CACNG2: variants seen among roughly 807,000 people sequenced by gnomAD.
CACNG2 encodes voltage-dependent calcium channel gamma-2 subunit.
Under a neutral mutation model 25.9 loss-of-function variants are expected in CACNG2, and 3 were observed. That is an observed-to-expected ratio of 0.12 (90% confidence interval 0.05 to 0.30). The LOEUF is 0.30. Ranked by LOEUF, CACNG2 falls within the 10% of genes least tolerant of loss-of-function variation. CACNG2 has a pLI of 1.00. For missense variants in CACNG2, 341 were observed against 432.5 expected, an observed-to-expected ratio of 0.79 and a Z score of 1.88; for synonymous variants, 167 against 173.3, an observed-to-expected ratio of 0.96 and a Z score of 0.29.
At position 36,702,590 on chromosome 22, in the gene CACNG2, A is replaced by G; in HGVS notation, c.-14T>C. On this transcript the variant is annotated 5_prime_UTR_variant, in exon 1 of 4. Coordinates refer to ENST00000300105, the MANE Select transcript of CACNG2 (RefSeq NM_006078.5). ...AAACAGCCCCATAATTCTTCATTATATAAACACCCAACCGACTTCTGGTTC... is the reference window on the plus strand; with the variant it reads ...AAACAGCCCCATAATTCTTCATTATGTAAACACCCAACCGACTTCTGGTTC... 6.2e-7 allele frequency: 1 copy of G among 1,607,898 alleles called. No homozygotes were observed. Among genetic ancestry groups the G allele is most frequent in the Non-Finnish European group, 8.5e-7 (1 of 1,174,362 alleles).
chr22:36,590,967 C>A (rs1935582110), intron 1 of CACNG2, among the ~76,000 whole-genome samples: 1 of 152,132 alleles, frequency 6.6e-6, no homozygotes, highest in African/African-American at 2.4e-5. Context: ...CCTCCTTCTG[C>A]CTCCCTGCAC....
Position 36,684,844 on chromosome 22 carries a change from G to A in CACNG2, c.211+17522C>T, listed in dbSNP as rs188422971. Among the ~76,000 whole-genome samples, 305 of 152,286 alleles carry A rather than the reference G, an allele frequency of 2.0e-3. 2 individuals carry two copies. The highest frequency in any genetic ancestry group is 7.0e-3 in the African/African-American group (291 of 41,546). ...TTCAGAGAGATGAAGCACCCTGCCC[G>A]AGGTGGCAGAGTGCATCAGGATTCA... On this transcript the variant is annotated intron_variant, in intron 1 of 3. Coordinates refer to ENST00000300105, the MANE Select transcript of CACNG2 (RefSeq NM_006078.5).
chr22:36,587,229 G>C (rs975602402), intron 2 of CACNG2, among the ~76,000 whole-genome samples: 2 of 152,174 alleles, frequency 1.3e-5, no homozygotes, highest in African/African-American at 4.8e-5. Context: ...TTTTAGCTGA[G>C]ACCTGGAGGT....
At chr22:36,642,884 A>G (rs185360849) in intron 1 of CACNG2, among the ~76,000 whole-genome samples, 1 of 152,220 alleles carries the variant, frequency 6.6e-6, no homozygotes, top group African/African-American at 2.4e-5. Flanking sequence ...AGCATCACTT[A>G]TGGGCAGATG....
In CACNG2 at chr22:36,566,240, C is replaced by G; in HGVS notation, c.436+113G>C. 4 of 1,119,354 alleles carry G rather than the reference C, an allele frequency of 3.6e-6. No homozygotes were observed. In the South Asian group the frequency reaches 5.1e-5, roughly 14 times the overall value. The allele number at this position is 1,119,354 out of a possible 1,614,324, so 69.3% of individuals were successfully genotyped here. ...CCCTGCAACACGACCTAGTGCAAGT[C>G]TTGGAGATTTCCTCTCCTCTCTCCC... On this transcript the variant is annotated intron_variant, in intron 3 of 3. Coordinates refer to ENST00000300105, the MANE Select transcript of CACNG2 (RefSeq NM_006078.5).
intron 1 of CACNG2, among the ~76,000 whole-genome samples, chr22:36,622,958 T>TAAAAAA (rs1249797363): frequency 2.9e-4 from 40 of 139,016 alleles, no homozygotes; most frequent in African/African-American, 9.2e-4. Flanking sequence ...AAACTCCGTT[T>TAAAAAA]AAAAAAAAAA....
intron 1 of CACNG2, among the ~76,000 whole-genome samples, chr22:36,616,665 C>T (rs1396766668): frequency 6.6e-6 from 1 of 151,966 alleles, no homozygotes; most frequent in Non-Finnish European, 1.5e-5. Context: ...GTTCCCTATA[C>T]AGACCTGGGT....
At chr22:36,583,163 G>A (rs991259404) in intron 2 of CACNG2, among the ~76,000 whole-genome samples, 1 of 87,062 alleles carries the variant, frequency 1.1e-5, no homozygotes, top group Non-Finnish European at 2.4e-5. Flanking sequence ...GGCTGGACAT[G>A]GTGGCTCACA....
At chr22:36,691,590 T>C (rs759627515) in intron 1 of CACNG2, among the ~76,000 whole-genome samples, 3 of 152,194 alleles carry the variant, frequency 2.0e-5, no homozygotes, top group Admixed American at 6.5e-5. Flanking sequence ...ATTAGTGTCA[T>C]AGAAGGCTGT....
At chr22:36,653,960 TTGTGTG>T (rs140752261) in intron 1 of CACNG2, among the ~76,000 whole-genome samples, 1 of 124,220 alleles carries the variant, frequency 8.1e-6, no homozygotes, top group Admixed American at 8.3e-5. Flanking sequence ...TACAGTGTGT[TTGTGTG>T]TGTGTGTGTG....
chr22:36,695,378 C>G (rs2146018418), intron 1 of CACNG2, among the ~76,000 whole-genome samples: 1 of 152,084 alleles, frequency 6.6e-6, no homozygotes, highest in East Asian at 1.9e-4. Flanking sequence ...AGCAAGAAGC[C>G]AAAAAACATA....
At chr22:36,589,302 T>C (rs766642819) in intron 1 of CACNG2, among the ~76,000 whole-genome samples, 1 of 152,034 alleles carries the variant, frequency 6.6e-6, no homozygotes, top group Non-Finnish European at 1.5e-5. Flanking sequence ...GACATATATA[T>C]ATATATGTGT....
chr22:36,581,661 C>A (rs1935421143), intron 2 of CACNG2, among the ~76,000 whole-genome samples: 1 of 152,218 alleles, frequency 6.6e-6, no homozygotes, highest in Non-Finnish European at 1.5e-5. Flanking sequence ...GTCCTCATCT[C>A]ACTGGCCCCT....
In CACNG2 at chr22:36,601,408, A is replaced by G. The variant is rs375622849; in HGVS notation, c.212-13860T>C. 5.3e-5 allele frequency among the ~76,000 whole-genome samples: 8 copies of G among 152,344 alleles called. No homozygotes were observed. The East Asian group carries it at 9.6e-4, about 18-fold the overall frequency. ...AACACCACAGTTTCTTTATTCATTC[A>G]TCCATTGATGGACATCTAGATTGTT... is the stretch of plus-strand genomic sequence containing the variant. On this transcript the variant is annotated intron_variant, in intron 1 of 3. Coordinates refer to ENST00000300105, the MANE Select transcript of CACNG2 (RefSeq NM_006078.5).
At chr22:36,702,286 T>G in intron 1 of CACNG2, 80 bp downstream of exon 1, 19 of 794,860 alleles carry the variant, frequency 2.4e-5, no homozygotes, top group African/African-American at 3.8e-5. Flanking sequence ...AAAGGGGACT[T>G]ATTTGGAGGA....
chr22:36,594,508 G>A (rs893767809), intron 1 of CACNG2, among the ~76,000 whole-genome samples: 1 of 152,184 alleles, frequency 6.6e-6, no homozygotes, highest in Admixed American at 6.5e-5. Context: ...TGGTGTAGAG[G>A]ATGTGTGTGA....
Position 36,617,755 on chromosome 22 carries a change from C to A in CACNG2, c.212-30207G>T, listed in dbSNP as rs557319794. 4.0e-5 allele frequency among the ~76,000 whole-genome samples: 6 copies of A among 150,790 alleles called. No homozygotes were observed. In the South Asian group the frequency reaches 1.3e-3, roughly 32 times the overall value. On this transcript the variant is annotated intron_variant, in intron 1 of 3. Transcript: ENST00000300105. ...CAATGACTGAACTCTGACTTCATCA[C>A]CTCTCTGCTTAACTTCCCTGAGCCT... is the stretch of plus-strand genomic sequence containing the variant.
chr22:36,592,019 G>T (rs997620309), intron 1 of CACNG2, among the ~76,000 whole-genome samples: 8 of 152,048 alleles, frequency 5.3e-5, no homozygotes, highest in African/African-American at 1.9e-4. Context: ...TGTGTCAGTG[G>T]CTTGAAGGTC....
At chr22:36,665,272 C>T (rs1333104478) in intron 1 of CACNG2, among the ~76,000 whole-genome samples, 2 of 152,178 alleles carry the variant, frequency 1.3e-5, no homozygotes, top group Non-Finnish European at 2.9e-5. Flanking sequence ...TCGAAGCCTG[C>T]TCTGTTCCTT....
Sources: gnomAD v4.1 joint callset for allele counts (sites outside exome capture counted in the v4.1 genomes callset) on GRCh38, gnomAD v4.1.1 for gene constraint, MANE v1.5 for transcripts, NCBI Gene and HGNC (gene_info 2026-07-23, HGNC 2026-07-21) for gene names.